The following PIGL variants were observed in gnomAD, a reference collection of about 807,000 sequenced individuals.
The protein encoded by PIGL is phosphatidylinositol glycan anchor biosynthesis class L, also known as N-acetylglucosaminyl-phosphatidylinositol de-N-acetylase.
A neutral mutation model predicts 31.1 loss-of-function variants in PIGL; 22 were observed. The ratio of observed to expected loss-of-function variants is 0.71; its 90% CI spans 0.51 to 1.01. The LOEUF is 1.01. PIGL is among the 50% of genes least tolerant of loss of function. PIGL has a pLI of 0.00. For synonymous variants in PIGL, 131 were observed against 117.4 expected (o/e 1.12, Z -0.75); for missense variants, 302 against 315.9 (o/e 0.96, Z 0.33).
intron 2 of PIGL, among the ~76,000 whole-genome samples, chr17:16,237,409 A>AT (rs927858526): frequency 1.4e-3 from 205 of 144,542 alleles, no homozygotes; most frequent in Middle Eastern, 3.6e-3. Context: ...CGCCTGGCCT[A>AT]TTTTTTTTTT....
intron 2 of PIGL, among the ~76,000 whole-genome samples, chr17:16,240,707 C>T (rs988754090): frequency 2.6e-5 from 4 of 151,840 alleles, no homozygotes; most frequent in South Asian, 2.1e-4. Flanking sequence ...TGCTAGCTTG[C>T]CCAAGCAGGT....
Position 16,325,904 on chromosome 17 carries a change from T to C in PIGL, c.*6T>C. 1 of 1,599,506 alleles carries C rather than the reference T, an allele frequency of 6.3e-7. No individual in the cohort carries two copies. The highest frequency in any genetic ancestry group is 1.7e-5 in the Admixed American group (1 of 60,004). The stretch of plus-strand genomic sequence containing the variant: ...ACTCACTGAGCTTCCTCTGAAGCCT[T>C]GAAGGGTTTTCAGATCCAAGGAACA... On this transcript the variant is annotated 3_prime_UTR_variant, in exon 7 of 7. Coordinates refer to ENST00000225609, the MANE Select transcript of PIGL (RefSeq NM_004278.4).
chr17:16,313,695 C>G (rs2093064574), intron 4 of PIGL, 81 bp downstream of exon 4: 1 of 1,141,672 alleles, frequency 8.8e-7, no homozygotes, highest in African/African-American at 1.5e-5. Context: ...AAAGCACTTT[C>G]CCACTTGTTA....
intron 2 of PIGL, among the ~76,000 whole-genome samples, chr17:16,272,712 C>T (rs1190863264): frequency 6.6e-6 from 1 of 152,172 alleles, no homozygotes; most frequent in Non-Finnish European, 1.5e-5. Flanking sequence ...TACTGGACCT[C>T]TCAGCAGCTC....
chr17:16,315,641 C>T (rs1343828717), intron 4 of PIGL, among the ~76,000 whole-genome samples: 1 of 151,720 alleles, frequency 6.6e-6, no homozygotes, highest in African/African-American at 2.4e-5. Context: ...ACAGGACAAG[C>T]CACTTCATTC....
intron 2 of PIGL, among the ~76,000 whole-genome samples, chr17:16,274,232 G>A (rs886806535): frequency 6.6e-6 from 1 of 152,162 alleles, no homozygotes; most frequent in African/African-American, 2.4e-5. Flanking sequence ...TAGGAGATAA[G>A]AGTGAAACCA....
chr17:16,273,251 T>C (rs1187734938), intron 2 of PIGL, among the ~76,000 whole-genome samples: 2 of 152,158 alleles, frequency 1.3e-5, no homozygotes, highest in Non-Finnish European at 2.9e-5. Context: ...AGGTTGCCTG[T>C]GATCTGAGCT....
intron 2 of PIGL, among the ~76,000 whole-genome samples, chr17:16,254,493 C>T (rs370198039): frequency 1.3e-5 from 2 of 152,126 alleles, no homozygotes; most frequent in Non-Finnish European, 2.9e-5. Flanking sequence ...GTCTCGAACT[C>T]GCGACCTCAG....
At chr17:16,310,286 A>AGTGTGTGTGT (rs10522327) in intron 3 of PIGL, among the ~76,000 whole-genome samples, 330 of 146,368 alleles carry the variant, frequency 2.3e-3, no homozygotes, top group South Asian at 7.8e-3. Flanking sequence ...ATTATTAAAA[A>AGTGTGTGTGT]GTGTGTGTGT....
chr17:16,282,463 CA>C (rs1423552260), intron 2 of PIGL, among the ~76,000 whole-genome samples: 3 of 152,148 alleles, frequency 2.0e-5, no homozygotes, highest in Non-Finnish European at 4.4e-5. Flanking sequence ...TCTAATTTTA[CA>C]TACCCTAAAC....
At chr17:16,227,063 T>C (rs983209821) in intron 1 of PIGL, among the ~76,000 whole-genome samples, 4 of 152,208 alleles carry the variant, frequency 2.6e-5, no homozygotes, top group African/African-American at 9.7e-5. Context: ...CCATATTGCC[T>C]AAATAGAACT....
At chr17:16,302,791 G>A (rs1040647327) in intron 3 of PIGL, among the ~76,000 whole-genome samples, 5 of 12,876 alleles carry the variant, frequency 3.9e-4, no homozygotes, top group African/African-American at 2.0e-3. Flanking sequence ...GTAGAGATGG[G>A]GTTTCACCAT....
chr17:16,227,568 A>G (rs1235004147), intron 1 of PIGL, among the ~76,000 whole-genome samples: 2 of 130,416 alleles, frequency 1.5e-5, no homozygotes, highest in East Asian at 4.3e-4. Flanking sequence ...TTTCTTTTTA[A>G]TTTTCTTTTC....
In PIGL at chr17:16,259,583, T is replaced by G. The variant is rs75810122; in HGVS notation, c.335+25513T>G. 2.2e-3 allele frequency among the ~76,000 whole-genome samples: 327 copies of G among 151,908 alleles called. 2 individuals are homozygous for G. In the East Asian group the frequency reaches 0.023, roughly 11 times the overall value. ...CCTCACACCACACACAAAAATTATCTCAAAAAAAAATCTAAATATAAAGAC... is the reference window on the plus strand; with the variant it reads ...CCTCACACCACACACAAAAATTATCGCAAAAAAAAATCTAAATATAAAGAC... On this transcript the variant is annotated intron_variant, in intron 2 of 6. Transcript: ENST00000225609.
intron 3 of PIGL, among the ~76,000 whole-genome samples, chr17:16,308,522 G>A (rs1367280259): frequency 6.6e-6 from 1 of 152,080 alleles, no homozygotes; most frequent in African/African-American, 2.4e-5. Context: ...ATACAACAGT[G>A]AGCCAGAAGC....
At chr17:16,268,773 G>T (rs1377945437) in intron 2 of PIGL, among the ~76,000 whole-genome samples, 1 of 150,960 alleles carries the variant, frequency 6.6e-6, no homozygotes, top group Admixed American at 6.6e-5. Flanking sequence ...CTTGTTATTT[G>T]TTTTTTTAGA....
intron 2 of PIGL, among the ~76,000 whole-genome samples, chr17:16,276,802 A>ACC (rs2092897843): frequency 6.6e-6 from 1 of 152,204 alleles, no homozygotes; most frequent in African/African-American, 2.4e-5. Flanking sequence ...TTTGAAACAT[A>ACC]ACGTTTTTCT....
chr17:16,234,395 T>C (rs1254207849), intron 2 of PIGL, among the ~76,000 whole-genome samples: 1 of 151,626 alleles, frequency 6.6e-6, no homozygotes. Flanking sequence ...TGCAGTGAGC[T>C]GAGATCAAGC....
intron 2 of PIGL, among the ~76,000 whole-genome samples, chr17:16,296,906 G>A (rs1291804222): frequency 4.0e-5 from 6 of 151,764 alleles, no homozygotes. Context: ...ATTTTTAGTA[G>A]AGATGGGGTT....
Sources: gnomAD v4.1 joint callset for allele counts (sites outside exome capture counted in the v4.1 genomes callset) on GRCh38, gnomAD v4.1.1 for gene constraint, MANE v1.5 for transcripts, NCBI Gene and HGNC (gene_info 2026-07-23, HGNC 2026-07-21) for gene names.